Variants in XRRA1 observed in about 807,000 individuals in gnomAD.
XRRA1 encodes the protein X-ray radiation resistance-associated protein 1.
A neutral mutation model predicts 80.2 loss-of-function variants in XRRA1; 69 were observed. That is an observed-to-expected ratio of 0.86 (90% CI 0.71 to 1.05). The LOEUF (loss-of-function observed/expected upper bound fraction) is 1.05, where lower values mean the gene tolerates loss of function less well. Among genes scored for constraint, XRRA1 ranks in the 50% least tolerant of loss-of-function variants. XRRA1 has a pLI of 0.00. For synonymous variants in XRRA1, 348 were observed against 389.9 expected, an observed-to-expected ratio of 0.89 and a Z score of 1.27; for missense variants, 967 against 976.4, an observed-to-expected ratio of 0.99 and a Z score of 0.13.
chr11:74,850,978 A>C, intron 14 of XRRA1, 110 bp downstream of exon 14: 1 of 682,110 alleles, frequency 1.5e-6, no homozygotes, highest in Non-Finnish European at 2.4e-6. Flanking sequence ...AACCTAATGG[A>C]GAGATTCCAG....
intron 10 of XRRA1, among the ~76,000 whole-genome samples, chr11:74,886,969 G>C (rs1369979503): frequency 6.6e-6 from 1 of 152,226 alleles, no homozygotes; most frequent in Non-Finnish European, 1.5e-5. Context: ...AACAGGAAAA[G>C]ATTCCCTATT....
intron 3 of XRRA1, among the ~76,000 whole-genome samples, chr11:74,937,699 A>C (rs997405125): frequency 6.6e-6 from 1 of 152,234 alleles, no homozygotes; most frequent in Non-Finnish European, 1.5e-5. Flanking sequence ...TAAGCTCACC[A>C]AACAAAAATC....
chr11:74,866,162 C>T (rs1055920721), intron 10 of XRRA1, among the ~76,000 whole-genome samples: 2 of 152,148 alleles, frequency 1.3e-5, no homozygotes, highest in African/African-American at 4.8e-5. Context: ...AATAAGATGC[C>T]AGAGATCAAA....
intron 8 of XRRA1, among the ~76,000 whole-genome samples, chr11:74,909,160 T>A (rs1444992596): frequency 1.3e-5 from 2 of 152,148 alleles, no homozygotes; most frequent in African/African-American, 4.8e-5. Flanking sequence ...ACAGGTCAGA[T>A]AAACTTTCAG....
chr11:74,938,202 A>G (rs979896386), intron 3 of XRRA1, among the ~76,000 whole-genome samples: 3 of 152,242 alleles, frequency 2.0e-5, no homozygotes, highest in African/African-American at 7.2e-5. Flanking sequence ...GCCCTGGCTC[A>G]CAGACCACTG....
chr11:74,892,147 T>G lies in XRRA1; in HGVS notation c.1003+14092A>C, dbSNP rs1365828791. Among the ~76,000 whole-genome samples, 4 of 152,210 alleles carry G rather than the reference T, an allele frequency of 2.6e-5. No individual in the cohort carries two copies. The East Asian group carries it at 7.7e-4, about 29-fold the overall frequency. ...GCTGGAGGCATCACGCTACCTGACTTCAAACTGTACTACAAGGCTACAGTA... is the reference window on the plus strand; with the variant it reads ...GCTGGAGGCATCACGCTACCTGACTGCAAACTGTACTACAAGGCTACAGTA... On this transcript the variant is annotated intron_variant, in intron 10 of 18. Transcript: ENST00000684022.
intron 10 of XRRA1, among the ~76,000 whole-genome samples, chr11:74,889,822 A>G (rs1394078800): frequency 3.9e-5 from 6 of 152,228 alleles, no homozygotes; most frequent in African/African-American, 1.4e-4. Context: ...ACATAATGGT[A>G]AAGGGATCAA....
intron 10 of XRRA1, 59 bp downstream of exon 10, chr11:74,906,180 T>A (rs2054543069): frequency 2.0e-6 from 3 of 1,505,392 alleles, no homozygotes; most frequent in South Asian, 1.2e-5. Context: ...CAGAATAAAC[T>A]CTCAGAAGTG....
At chr11:74,931,115 T>A (rs1241323990) in intron 5 of XRRA1, among the ~76,000 whole-genome samples, 1 of 133,380 alleles carries the variant, frequency 7.5e-6, no homozygotes, top group African/African-American at 2.9e-5. Context: ...CTCCCATATC[T>A]TTTTTTATGC....
chr11:74,904,493 C>T, intron 10 of XRRA1, among the ~76,000 whole-genome samples: 1 of 151,036 alleles, frequency 6.6e-6, no homozygotes, highest in East Asian at 1.9e-4. Flanking sequence ...TTAGGGTAAC[C>T]ATTAGAGATA....
At chr11:74,937,122 T>C (rs929327912) in intron 3 of XRRA1, 54 bp from the exon 4 acceptor site, 38 of 1,557,234 alleles carry the variant, frequency 2.4e-5, no homozygotes, top group Non-Finnish European at 3.2e-5. Flanking sequence ...CTACAACGAG[T>C]GCAGTTATAG....
At chr11:74,876,373 C>T (rs1276804567) in intron 10 of XRRA1, 3 of 152,254 alleles carry the variant, frequency 2.0e-5, no homozygotes, top group Middle Eastern at 3.4e-3. Flanking sequence ...GGTCTGACCC[C>T]GTTTTAAATG....
chr11:74,865,281 C>T (rs2043155782), intron 10 of XRRA1, among the ~76,000 whole-genome samples: 1 of 152,164 alleles, frequency 6.6e-6, no homozygotes, highest in Admixed American at 6.5e-5. Flanking sequence ...CACAGCAGAT[C>T]CTGTGTGGGC....
At chr11:74,880,969 C>G (rs1348773571) in intron 10 of XRRA1, among the ~76,000 whole-genome samples, 1 of 147,210 alleles carries the variant, frequency 6.8e-6, no homozygotes, top group African/African-American at 2.5e-5. Context: ...CTGTAGATGT[C>G]TATTAGGTCC....
intron 2 of XRRA1, among the ~76,000 whole-genome samples, chr11:74,944,791 G>A (rs950768103): frequency 1.3e-5 from 2 of 152,266 alleles, no homozygotes; most frequent in East Asian, 3.9e-4. Context: ...GATGGATGGG[G>A]ACAAATTTAT....
chr11:74,893,408 G>A (rs1418321154), intron 10 of XRRA1, among the ~76,000 whole-genome samples: 1 of 151,526 alleles, frequency 6.6e-6, no homozygotes, highest in Non-Finnish European at 1.5e-5. Flanking sequence ...CCTGTTGTGG[G>A]GTGGGGGAGG....
intron 12 of XRRA1, among the ~76,000 whole-genome samples, chr11:74,852,428 G>A (rs773239399): frequency 5.3e-5 from 8 of 152,232 alleles, no homozygotes; most frequent in Admixed American, 1.3e-4. Flanking sequence ...TTTTTCGTAC[G>A]AACAAACTCT....
At chr11:74,871,418 G>A (rs116786580) in intron 10 of XRRA1, among the ~76,000 whole-genome samples, 3,462 of 152,224 alleles carry the variant, frequency 0.023, 148 homozygotes, top group African/African-American at 0.079. Context: ...CCTGCACCCC[G>A]CTCAAGTGCA....
chr11:74,896,963 C>G (rs2052470517), intron 10 of XRRA1, among the ~76,000 whole-genome samples: 1 of 151,996 alleles, frequency 6.6e-6, no homozygotes, highest in African/African-American at 2.4e-5. Context: ...AGTAAATCAC[C>G]AGAGACATTT....
Sources: gnomAD v4.1 joint callset for allele counts (sites outside exome capture counted in the v4.1 genomes callset) on GRCh38, gnomAD v4.1.1 for gene constraint, MANE v1.5 for transcripts, NCBI Gene and HGNC (gene_info 2026-07-23, HGNC 2026-07-21) for gene names.